Variants in CDH13 observed in about 807,000 individuals in gnomAD.
The protein encoded by CDH13 is cadherin-13.
Under a neutral mutation model 63.8 loss-of-function variants are expected in CDH13, and 24 were observed. The observed-to-expected ratio is 0.38, with a 90% confidence interval of 0.27 to 0.53. The LOEUF (loss-of-function observed/expected upper bound fraction) is 0.53. CDH13 is among the 20% of genes least tolerant of loss of function. The probability of loss-of-function intolerance (pLI) is 0.85; values close to 1 mark genes in which losing one functional copy is unlikely to be tolerated. For missense variants in CDH13, 1,049 were observed against 903.1 expected (o/e 1.16, Z -2.07); for synonymous variants, 503 against 355.3 (o/e 1.42, Z -4.67).
At chr16:83,189,529 C>T (rs1213084306) in intron 4 of CDH13, among the ~76,000 whole-genome samples, 2 of 152,168 alleles carry the variant, frequency 1.3e-5, no homozygotes, top group African/African-American at 4.8e-5. Flanking sequence ...GTTCACATGG[C>T]TAAGGCTAAA....
chr16:82,646,369 T>G (rs1910093159), intron 1 of CDH13: 1 of 152,160 alleles, frequency 6.6e-6, no homozygotes, highest in Admixed American at 6.5e-5. Context: ...TTTTTTTGTA[T>G]TTTTCATTGA....
At chr16:83,755,223 A>T (rs1166269139) in intron 11 of CDH13, among the ~76,000 whole-genome samples, 1 of 152,204 alleles carries the variant, frequency 6.6e-6, no homozygotes, top group East Asian at 1.9e-4. Flanking sequence ...AGTAGACTTA[A>T]CAGCAGAACA....
intron 7 of CDH13, among the ~76,000 whole-genome samples, chr16:83,570,596 G>C (rs1007884544): frequency 6.6e-6 from 1 of 151,460 alleles, no homozygotes; most frequent in Non-Finnish European, 1.5e-5. Flanking sequence ...GCAATCACTG[G>C]AAAAGACGGC....
chr16:82,778,459 C>G (rs954617869), intron 1 of CDH13, among the ~76,000 whole-genome samples: 4 of 149,456 alleles, frequency 2.7e-5, no homozygotes, highest in African/African-American at 9.9e-5. Flanking sequence ...AAGTGTTGAC[C>G]TTTGAAGTAG....
At chr16:82,634,181 C>T (rs968743359) in intron 1 of CDH13, among the ~76,000 whole-genome samples, 1 of 152,248 alleles carries the variant, frequency 6.6e-6, no homozygotes, top group Non-Finnish European at 1.5e-5. Flanking sequence ...TGGGCAGGGC[C>T]CGGAAATGAG....
chr16:82,629,210 C>A (rs542560324), intron 1 of CDH13, among the ~76,000 whole-genome samples: 1 of 152,190 alleles, frequency 6.6e-6, no homozygotes, highest in Non-Finnish European at 1.5e-5. Context: ...TGTCTCCTCA[C>A]CCAGGGCCAG....
chr16:83,154,203 C>A (rs1441460735), intron 4 of CDH13, among the ~76,000 whole-genome samples: 1 of 152,082 alleles, frequency 6.6e-6, no homozygotes, highest in African/African-American at 2.4e-5. Flanking sequence ...GGGAGAGCTG[C>A]TTCTTTAGCC....
At chr16:83,518,746 C>G (rs1209940932) in intron 7 of CDH13, among the ~76,000 whole-genome samples, 3 of 152,098 alleles carry the variant, frequency 2.0e-5, no homozygotes, top group African/African-American at 4.8e-5. Context: ...GCTGGGATTA[C>G]AGGTTTGAGC....
chr16:83,125,504 A>C lies in CDH13; in HGVS notation c.483+3A>C. On this transcript the variant is annotated splice_donor_region_variant and intron_variant, in intron 4 of 13. Transcript: ENST00000567109. ...CTTTCCCAAGAGATGTTGGCAAGGT[A>C]AGTCAGACAAACAGCAAATGACAAA... The C allele has an allele frequency of 6.8e-7, 1 of 1,474,858 alleles. No individual in the cohort carries two copies. Among genetic ancestry groups the C allele is most frequent in the Non-Finnish European group, 9.5e-7 (1 of 1,053,516 alleles). 91.4% of individuals were successfully genotyped at this position (1,474,858 alleles called of 1,614,324 possible).
intron 2 of CDH13, among the ~76,000 whole-genome samples, chr16:82,974,363 A>G (rs1353298676): frequency 6.6e-6 from 1 of 152,148 alleles, no homozygotes; most frequent in Non-Finnish European, 1.5e-5. Flanking sequence ...TAGAATGCCC[A>G]CATTGTCTCT....
At chr16:83,434,479 A>T (rs1567670186) in intron 6 of CDH13, among the ~76,000 whole-genome samples, 1 of 151,790 alleles carries the variant, frequency 6.6e-6, no homozygotes, top group Non-Finnish European at 1.5e-5. Context: ...ACCCCATCTC[A>T]TTCCACTCTC....
Position 83,771,812 on chromosome 16 carries a change from C to G in CDH13, c.1682-8156C>G, listed in dbSNP as rs114842999. 3.4e-3 allele frequency among the ~76,000 whole-genome samples: 517 copies of G among 152,302 alleles called. 4 individuals carry two copies. The highest frequency in any genetic ancestry group is 0.012 in the African/African-American group (502 of 41,568). On this transcript the variant is annotated intron_variant, in intron 11 of 13. Transcript: ENST00000567109. ...CTTTGTTTCCAGATATCTGTGCCTA[C>G]AAGTCCTCATTTCCTCATTTGGAAA... is the stretch of plus-strand genomic sequence containing the variant.
At chr16:83,648,414 A>G (rs1442278808) in intron 8 of CDH13, among the ~76,000 whole-genome samples, 1 of 152,172 alleles carries the variant, frequency 6.6e-6, no homozygotes, top group African/African-American at 2.4e-5. Context: ...GCTTCATGGT[A>G]GTTAATGCAG....
intron 3 of CDH13, among the ~76,000 whole-genome samples, chr16:83,057,110 G>A (rs1292325143): frequency 2.0e-5 from 3 of 152,076 alleles, no homozygotes; most frequent in African/African-American, 7.2e-5. Flanking sequence ...GGGATTACAG[G>A]CACGTGCCAC....
chr16:83,628,346 G>A (rs1910502324), intron 8 of CDH13, among the ~76,000 whole-genome samples: 1 of 152,176 alleles, frequency 6.6e-6, no homozygotes, highest in Non-Finnish European at 1.5e-5. Context: ...GAGCTCAAGT[G>A]GTCTGCCCAC....
intron 5 of CDH13, among the ~76,000 whole-genome samples, chr16:83,332,804 C>T (rs952496226): frequency 8.5e-5 from 13 of 152,204 alleles, no homozygotes; most frequent in Non-Finnish European, 1.3e-4. Flanking sequence ...ATTTCTTCCA[C>T]ATAATTAAAG....
chr16:83,466,249 A>T (rs935719263), intron 6 of CDH13, among the ~76,000 whole-genome samples: 1 of 152,208 alleles, frequency 6.6e-6, no homozygotes, highest in Admixed American at 6.5e-5. Context: ...GCCAAACCCT[A>T]TTAACCTCAG....
intron 8 of CDH13, among the ~76,000 whole-genome samples, chr16:83,622,726 G>A (rs935841759): frequency 5.3e-5 from 8 of 152,140 alleles, no homozygotes; most frequent in South Asian, 2.1e-4. Flanking sequence ...TATGATAGTC[G>A]TTACTGCAGT....
At chr16:82,688,408 C>T (rs1448821736) in intron 1 of CDH13, among the ~76,000 whole-genome samples, 1 of 152,228 alleles carries the variant, frequency 6.6e-6, no homozygotes, top group Non-Finnish European at 1.5e-5. Flanking sequence ...TGATCACAGG[C>T]ATGTTTATGC....
Sources: gnomAD v4.1 joint callset for allele counts (sites outside exome capture counted in the v4.1 genomes callset) on GRCh38, gnomAD v4.1.1 for gene constraint, MANE v1.5 for transcripts, NCBI Gene and HGNC (gene_info 2026-07-23, HGNC 2026-07-21) for gene names.